ABI3BP: variants seen among roughly 807,000 people sequenced by gnomAD.
ABI3BP encodes target of Nesh-SH3.
A neutral mutation model predicts 268.6 loss-of-function variants in ABI3BP; 216 were observed. That is an observed-to-expected ratio of 0.80 (90% CI 0.72 to 0.90). ABI3BP has a LOEUF of 0.90. ABI3BP is among the 40% of genes least tolerant of loss of function. The pLI is 0.00. For synonymous variants in ABI3BP, 730 were observed against 730.0 expected, an observed-to-expected ratio of 1.00 and a Z score of 0.00; for missense variants, 2,090 against 2,182.4, an observed-to-expected ratio of 0.96 and a Z score of 0.84.
chr3:100,896,831 C>A (rs916110396), intron 4 of ABI3BP, among the ~76,000 whole-genome samples: 8 of 152,216 alleles, frequency 5.3e-5, no homozygotes, highest in African/African-American at 1.7e-4. Flanking sequence ...ATTTCAGATT[C>A]TTTGAAGCAT....
At chr3:100,855,770 A>T (rs1198139046) in intron 14 of ABI3BP, among the ~76,000 whole-genome samples, 1 of 152,266 alleles carries the variant, frequency 6.6e-6, no homozygotes, top group Non-Finnish European at 1.5e-5. Flanking sequence ...ATTCTAAAAA[A>T]AATATATGAA....
At chr3:100,947,555 T>G (rs940551798) in intron 1 of ABI3BP, among the ~76,000 whole-genome samples, 1 of 152,054 alleles carries the variant, frequency 6.6e-6, no homozygotes, top group East Asian at 1.9e-4. Context: ...AACTTGGAAG[T>G]GAAGAGATGT....
At chr3:100,986,474 CT>C (rs963156183) in intron 1 of ABI3BP, among the ~76,000 whole-genome samples, 7 of 149,614 alleles carry the variant, frequency 4.7e-5, no homozygotes, top group South Asian at 2.1e-4. Flanking sequence ...CTAACATACT[CT>C]TTTTTTTTTG....
At chr3:100,834,352 A>T (rs1279851277) in intron 29 of ABI3BP, among the ~76,000 whole-genome samples, 1 of 152,162 alleles carries the variant, frequency 6.6e-6, no homozygotes, top group African/African-American at 2.4e-5. Flanking sequence ...TTCCTCACAG[A>T]TACAAACGTT....
chr3:100,763,409 G>A (rs964114892), intron 63 of ABI3BP, among the ~76,000 whole-genome samples: 20 of 148,408 alleles, frequency 1.3e-4, no homozygotes, highest in Non-Finnish European at 2.5e-4. Flanking sequence ...GTTGCAGTGA[G>A]CCGAGATCAC....
At chr3:100,839,842 T>A (rs978060956) in intron 23 of ABI3BP, among the ~76,000 whole-genome samples, 3 of 152,174 alleles carry the variant, frequency 2.0e-5, no homozygotes, top group African/African-American at 7.2e-5. Context: ...ATAATTCACT[T>A]AATGGGCCAG....
At chr3:100,795,430 C>T (rs1431137403) in intron 53 of ABI3BP, among the ~76,000 whole-genome samples, 1 of 151,980 alleles carries the variant, frequency 6.6e-6, no homozygotes, top group Non-Finnish European at 1.5e-5. Flanking sequence ...AGTATTTTGA[C>T]CAATATTGAT....
chr3:100,765,780 C>T lies in ABI3BP; in HGVS notation c.4850+61G>A, dbSNP rs57092396. 8.9e-6 allele frequency: 11 copies of T among 1,240,612 alleles called. No homozygotes were observed. The South Asian group carries it at 1.4e-4, about 16-fold the overall frequency. 76.9% of individuals were successfully genotyped at this position (1,240,612 alleles called of 1,614,324 possible). ...GAGAAGATGATTATCATTTCTTTCC[C>T]TTGTTGTGGTTATAACTTTTGCACT... On this transcript the variant is annotated intron_variant, in intron 63 of 67. Coordinates refer to ENST00000471714, the MANE Select transcript of ABI3BP (RefSeq NM_001375547.2).
chr3:100,904,722 C>T (rs1003967096), intron 2 of ABI3BP, among the ~76,000 whole-genome samples: 1 of 152,184 alleles, frequency 6.6e-6, no homozygotes, highest in Non-Finnish European at 1.5e-5. Flanking sequence ...TACCATCTCA[C>T]ACCAGTTACA....
intron 15 of ABI3BP, 29 bp from the exon 16 acceptor site, chr3:100,850,763 A>C (rs772965804): frequency 6.6e-7 from 1 of 1,508,174 alleles, no homozygotes; most frequent in Non-Finnish European, 9.2e-7. Flanking sequence ...ACATTTGTAA[A>C]AGCAGTAGAA....
intron 44 of ABI3BP, among the ~76,000 whole-genome samples, chr3:100,815,003 A>G (rs978940190): frequency 5.3e-5 from 8 of 152,108 alleles, no homozygotes; most frequent in Non-Finnish European, 1.2e-4. Flanking sequence ...CCTGTGATTC[A>G]AGTGCAATGG....
intron 62 of ABI3BP, among the ~76,000 whole-genome samples, chr3:100,768,310 G>A (rs1037340625): frequency 1.3e-5 from 2 of 152,068 alleles, no homozygotes; most frequent in East Asian, 3.9e-4. Flanking sequence ...GGATGATCTT[G>A]ATCTCCTGAC....
chr3:100,820,289 G>T lies in ABI3BP; in HGVS notation c.2962C>A (p.Gln988Lys). Residue 988 changes from glutamine to lysine, a missense_variant, in exon 40 of 68, where the codon CAA (glutamine) becomes AAA (lysine). Coordinates refer to ENST00000471714, the MANE Select transcript of ABI3BP (RefSeq NM_001375547.2). ...WVTTQAPKTS[Q>K]RTRRPRPKTK... ...TTGGGACGTGGACGACGAGTTCGTT[G>T]TGATGTTTTAGGAGCTGAAGAAAGA... 2.6e-6 allele frequency: 4 copies of T among 1,535,972 alleles called. No homozygotes were observed. The highest frequency in any genetic ancestry group is 2.4e-5 in the East Asian group (1 of 40,916).
intron 9 of ABI3BP, among the ~76,000 whole-genome samples, chr3:100,872,481 C>CT (rs1201403854): frequency 6.6e-6 from 1 of 152,160 alleles, no homozygotes. Flanking sequence ...CAGTTTAAAA[C>CT]TGACAGCCGT....
Position 100,851,943 on chromosome 3 carries a change from T to TA in ABI3BP, c.1286-4dup, listed in dbSNP as rs60146880. Reference sequence around the variant, plus strand: ...GCTTGAGAAAACATCATAAGTTGCTTAAAAAAAAAAAAAAGGCAAAACAAG... The same window carrying TA: ...GCTTGAGAAAACATCATAAGTTGCTTAAAAAAAAAAAAAAAGGCAAAACAAG... On this transcript the variant is annotated splice_polypyrimidine_tract_variant and splice_region_variant and intron_variant, in intron 14 of 67. Coordinates refer to ENST00000471714, the MANE Select transcript of ABI3BP (RefSeq NM_001375547.2). 0.051 allele frequency: 68,021 copies of TA among 1,337,704 alleles called. 207 individuals are homozygous for TA. Among genetic ancestry groups the TA allele is most frequent in the East Asian group, 0.19 (7,279 of 37,368 alleles). 82.9% of individuals were successfully genotyped at this position (1,337,704 alleles called of 1,614,324 possible).
intron 55 of ABI3BP, among the ~76,000 whole-genome samples, chr3:100,789,747 ATG>A (rs2097149668): frequency 6.6e-6 from 1 of 152,024 alleles, no homozygotes; most frequent in Admixed American, 6.6e-5. Context: ...CATTTGTAAG[ATG>A]TGTTAAGGAT....
chr3:100,814,033 C>T (rs1187984550), intron 44 of ABI3BP, among the ~76,000 whole-genome samples: 1 of 151,940 alleles, frequency 6.6e-6, no homozygotes, highest in African/African-American at 2.4e-5. Flanking sequence ...TGGAACATAG[C>T]CATAGAATGA....
intron 62 of ABI3BP, among the ~76,000 whole-genome samples, chr3:100,767,597 T>TA (rs113385914): frequency 0.015 from 1,957 of 133,268 alleles, 9 homozygotes; most frequent in Middle Eastern, 0.02. Context: ...TAAAATTGAT[T>TA]AAAAAAAAAA....
At chr3:100,949,252 G>C (rs1438830739) in intron 1 of ABI3BP, among the ~76,000 whole-genome samples, 2 of 152,182 alleles carry the variant, frequency 1.3e-5, no homozygotes, top group East Asian at 3.9e-4. Context: ...CACAATTGAA[G>C]TTTTTATTTA....
Sources: allele counts gnomAD v4.1 joint callset (sites outside exome capture counted in the v4.1 genomes callset), GRCh38; gene constraint gnomAD v4.1.1; transcripts MANE v1.5; gene names NCBI Gene and HGNC (gene_info 2026-07-23, HGNC 2026-07-21).